POU6F2: variants seen among roughly 807,000 people sequenced by gnomAD.
POU6F2 encodes the protein POU domain, class 6, transcription factor 2.
Under a neutral mutation model 71.3 loss-of-function variants are expected in POU6F2, and 31 were observed. That is an observed-to-expected ratio of 0.43 (90% CI 0.33 to 0.59). The LOEUF (loss-of-function observed/expected upper bound fraction) is 0.59, where lower values mean the gene tolerates loss of function less well. Among genes scored for constraint, POU6F2 ranks in the 20% least tolerant of loss-of-function variants. POU6F2 has a pLI of 0.04. For synonymous variants in POU6F2, 347 were observed against 355.7 expected, an observed-to-expected ratio of 0.98 and a Z score of 0.27; for missense variants, 783 against 856.8, an observed-to-expected ratio of 0.91 and a Z score of 1.07.
chr7:39,104,887 G>A (rs1791644510), intron 2 of POU6F2, among the ~76,000 whole-genome samples: 2 of 152,228 alleles, frequency 1.3e-5, no homozygotes, highest in Non-Finnish European at 2.9e-5. Flanking sequence ...CTTGTTTGAA[G>A]CAGAGTTAAA....
At chr7:39,402,804 TA>T (rs1787333652) in intron 5 of POU6F2, among the ~76,000 whole-genome samples, 1 of 152,168 alleles carries the variant, frequency 6.6e-6, no homozygotes, top group African/African-American at 2.4e-5. Flanking sequence ...AAAATTGCTC[TA>T]AAAATAGGGA....
chr7:39,347,305 G>T (rs998060582), intron 5 of POU6F2, among the ~76,000 whole-genome samples: 1 of 152,188 alleles, frequency 6.6e-6, no homozygotes, highest in Non-Finnish European at 1.5e-5. Flanking sequence ...ATGTAAAAAT[G>T]CATGTGCACA....
chr7:39,169,468 T>C (rs1793173357), intron 2 of POU6F2, among the ~76,000 whole-genome samples: 1 of 152,184 alleles, frequency 6.6e-6, no homozygotes, highest in Admixed American at 6.5e-5. Flanking sequence ...AACAAAAACC[T>C]GTTCAAAGGG....
intron 5 of POU6F2, among the ~76,000 whole-genome samples, chr7:39,346,942 CA>C (rs1315630396): frequency 8.5e-5 from 13 of 152,190 alleles, no homozygotes; most frequent in African/African-American, 3.1e-4. Context: ...CTGTGCTGTG[CA>C]TTGTCCTGGA....
In POU6F2 at chr7:39,207,380, G is replaced by A. The variant is rs1177355562; in HGVS notation, c.370-12G>A. ...ACAGGAAAGTGAGCTAGCTGTATCT[G>A]TTTCCTTGCAGCCACTTCTGACGGC... is the stretch of plus-strand genomic sequence containing the variant. On this transcript the variant is annotated splice_polypyrimidine_tract_variant and intron_variant, in intron 3 of 9. Transcript: ENST00000518318. The A allele has an allele frequency of 1.2e-6, 2 of 1,612,526 alleles. No individual in the cohort carries two copies. The highest frequency in any genetic ancestry group is 4.5e-5 in the East Asian group (2 of 44,864).
chr7:39,338,835 T>C (rs1200125452), intron 4 of POU6F2, among the ~76,000 whole-genome samples: 1 of 150,600 alleles, frequency 6.6e-6, no homozygotes, highest in Non-Finnish European at 1.5e-5. Flanking sequence ...TGCTCAGTGC[T>C]AAGACACTTT....
At chr7:38,982,638 T>A (rs1017726663) in intron 1 of POU6F2, among the ~76,000 whole-genome samples, 1 of 152,090 alleles carries the variant, frequency 6.6e-6, no homozygotes. Flanking sequence ...TAAGTAAAAT[T>A]TAACAATATA....
intron 2 of POU6F2, among the ~76,000 whole-genome samples, chr7:39,095,452 G>A (rs1791434693): frequency 6.6e-6 from 1 of 152,174 alleles, no homozygotes; most frequent in Non-Finnish European, 1.5e-5. Context: ...CAAAAAAAGA[G>A]CTGGTCACAT....
At chr7:39,271,997 G>C (rs562922661) in intron 4 of POU6F2, among the ~76,000 whole-genome samples, 6 of 152,110 alleles carry the variant, frequency 3.9e-5, no homozygotes, top group South Asian at 4.2e-4. Context: ...GTGTGGGGGT[G>C]GGGGAGAGGG....
chr7:39,369,866 TG>T (rs1265445119), intron 5 of POU6F2, among the ~76,000 whole-genome samples: 1 of 147,378 alleles, frequency 6.8e-6, no homozygotes, highest in Non-Finnish European at 1.5e-5. Context: ...TTTTTTTTGG[TG>T]GGGGTGGTTA....
chr7:39,083,189 T>C (rs1791163269), intron 1 of POU6F2, among the ~76,000 whole-genome samples: 1 of 152,208 alleles, frequency 6.6e-6, no homozygotes, highest in Non-Finnish European at 1.5e-5. Context: ...GAATATTCTT[T>C]CTTAAGTTTA....
intron 4 of POU6F2, among the ~76,000 whole-genome samples, chr7:39,254,866 A>G (rs1783990328): frequency 6.6e-6 from 1 of 152,214 alleles, no homozygotes; most frequent in African/African-American, 2.4e-5. Flanking sequence ...GGCCCAGTTT[A>G]GGGCCGCAGC....
chr7:39,453,602 C>T (rs1174524955), intron 8 of POU6F2, among the ~76,000 whole-genome samples: 1 of 152,204 alleles, frequency 6.6e-6, no homozygotes, highest in Admixed American at 6.5e-5. Flanking sequence ...GGGCAGACAG[C>T]AGACAGTCAG....
intron 1 of POU6F2, among the ~76,000 whole-genome samples, chr7:39,069,627 A>G (rs1790832549): frequency 6.6e-6 from 1 of 152,222 alleles, no homozygotes; most frequent in Admixed American, 6.5e-5. Context: ...CAAAAGCCTT[A>G]CCAATAACAT....
intron 4 of POU6F2, among the ~76,000 whole-genome samples, chr7:39,324,467 C>T (rs1785469321): frequency 6.6e-6 from 1 of 152,200 alleles, no homozygotes; most frequent in Admixed American, 6.5e-5. Flanking sequence ...AGTAGGTGCT[C>T]CACCAGCTTG....
At chr7:39,439,101 C>A (rs1788323690) in intron 7 of POU6F2, among the ~76,000 whole-genome samples, 2 of 152,024 alleles carry the variant, frequency 1.3e-5, no homozygotes, top group Non-Finnish European at 1.5e-5. Flanking sequence ...TTCCCTTTAC[C>A]ATTACATAAT....
chr7:39,277,364 T>C lies in POU6F2; in HGVS notation c.599-62278T>C, dbSNP rs1415708210. 2.0e-5 allele frequency among the ~76,000 whole-genome samples: 3 copies of C among 152,272 alleles called. No homozygotes were observed. In the East Asian group the frequency reaches 5.8e-4, roughly 29 times the overall value. On this transcript the variant is annotated intron_variant, in intron 4 of 9. Transcript: ENST00000518318. ...GATCCCAACACGAAGATAGTGAGCA[T>C]AGTCCCCAGAGGGAAGTTTTCCAGC...
chr7:39,434,657 A>G (rs962409455), intron 7 of POU6F2, among the ~76,000 whole-genome samples: 3 of 152,104 alleles, frequency 2.0e-5, no homozygotes, highest in Non-Finnish European at 4.4e-5. Context: ...TTCTAAAAAA[A>G]AAAGCAAAAA....
intron 3 of POU6F2, among the ~76,000 whole-genome samples, chr7:39,204,653 T>C (rs1202684197): frequency 6.6e-6 from 1 of 151,470 alleles, no homozygotes; most frequent in Non-Finnish European, 1.5e-5. Context: ...ATGACTGGAG[T>C]GTGAAGAAAA....
Sources: gnomAD v4.1 joint callset for allele counts (sites outside exome capture counted in the v4.1 genomes callset) on GRCh38, gnomAD v4.1.1 for gene constraint, MANE v1.5 for transcripts, NCBI Gene and HGNC (gene_info 2026-07-23, HGNC 2026-07-21) for gene names.